CYP7B1: variants seen among roughly 807,000 people sequenced by gnomAD.
The protein encoded by CYP7B1 is cytochrome P450 family 7 subfamily B member 1.
In CYP7B1, 29 loss-of-function variants were observed where a neutral mutation model predicts 42.7. The ratio of observed to expected loss-of-function variants is 0.68; its 90% CI spans 0.51 to 0.93. CYP7B1 has a LOEUF of 0.93. CYP7B1 is among the 40% of genes least tolerant of loss of function. The probability of loss-of-function intolerance (pLI) is 0.00; values close to 1 mark genes in which losing one functional copy is unlikely to be tolerated. For missense variants in CYP7B1, 655 were observed against 600.5 expected (o/e 1.09, Z -0.95); for synonymous variants, 235 against 218.2 (o/e 1.08, Z -0.68).
chr8:64,695,654 A>C (rs1488644021), intron 1 of CYP7B1, among the ~76,000 whole-genome samples: 3 of 133,072 alleles, frequency 2.3e-5, no homozygotes, highest in African/African-American at 8.5e-5. Context: ...ACCCAGTGAC[A>C]GTTAATGTGA....
intron 1 of CYP7B1, among the ~76,000 whole-genome samples, chr8:64,668,894 G>A (rs1306853240): frequency 6.6e-6 from 1 of 152,046 alleles, no homozygotes; most frequent in East Asian, 1.9e-4. Flanking sequence ...TCTATCCAAG[G>A]CCAATATTAA....
chr8:64,599,431 G>A (rs1805167295), intron 5 of CYP7B1, among the ~76,000 whole-genome samples: 3 of 152,080 alleles, frequency 2.0e-5, no homozygotes, highest in South Asian at 2.1e-4. Context: ...CTCGTGATCC[G>A]CCGGCCTCGG....
At chr8:64,781,066 T>C (rs1025140113) in intron 1 of CYP7B1, among the ~76,000 whole-genome samples, 2 of 152,144 alleles carry the variant, frequency 1.3e-5, no homozygotes, top group African/African-American at 2.4e-5. Context: ...CAGAAATCAA[T>C]GCTAATCTGT....
At chr8:64,633,434 G>C (rs540392802) in intron 1 of CYP7B1, among the ~76,000 whole-genome samples, 1 of 152,202 alleles carries the variant, frequency 6.6e-6, no homozygotes, top group South Asian at 2.1e-4. Context: ...ATATACAAAA[G>C]TCAATTGCTT....
intron 1 of CYP7B1, among the ~76,000 whole-genome samples, chr8:64,755,200 C>A (rs1434217979): frequency 1.3e-5 from 2 of 152,042 alleles, no homozygotes; most frequent in Admixed American, 1.3e-4. Flanking sequence ...TGTTTTAACA[C>A]GGGTGATAAA....
intron 1 of CYP7B1, among the ~76,000 whole-genome samples, chr8:64,739,660 T>C (rs988973158): frequency 6.6e-6 from 1 of 152,214 alleles, no homozygotes; most frequent in African/African-American, 2.4e-5. Context: ...GATGTAATAA[T>C]GCCTTCGAAT....
At chr8:64,690,085 C>G (rs951616127) in intron 1 of CYP7B1, among the ~76,000 whole-genome samples, 1 of 152,026 alleles carries the variant, frequency 6.6e-6, no homozygotes, top group Non-Finnish European at 1.5e-5. Flanking sequence ...TGTTTATGAT[C>G]AAACATCCTA....
chr8:64,680,882 C>T (rs981938624), intron 1 of CYP7B1, among the ~76,000 whole-genome samples: 4 of 152,136 alleles, frequency 2.6e-5, no homozygotes, highest in African/African-American at 9.7e-5. Context: ...CTCATGCCAT[C>T]TTCACTTCAA....
chr8:64,787,539 T>A (rs1261903617), intron 1 of CYP7B1, among the ~76,000 whole-genome samples: 2 of 152,206 alleles, frequency 1.3e-5, no homozygotes, highest in Non-Finnish European at 2.9e-5. Context: ...ATTCAGCAAG[T>A]CTCTAGAAAG....
At position 64,594,240 on chromosome 8, in the gene CYP7B1, C is replaced by G. The variant is rs975584074; in HGVS notation, c.*2402G>C. ...TGCTTTGGCCTCTGTCCCACAATAA[C>G]TGTCCTGCTGACAGTGTCCATCACT... On this transcript the variant is annotated 3_prime_UTR_variant, in exon 6 of 6. Coordinates refer to ENST00000310193, the MANE Select transcript of CYP7B1 (RefSeq NM_004820.5). Among the ~76,000 whole-genome samples the G allele has an allele frequency of 2.0e-5, 3 of 152,112 alleles. No homozygotes were observed. The highest frequency in any genetic ancestry group is 7.2e-5 in the African/African-American group (3 of 41,412).
intron 1 of CYP7B1, among the ~76,000 whole-genome samples, chr8:64,781,551 C>T (rs769692058): frequency 1.2e-4 from 19 of 152,070 alleles, no homozygotes; most frequent in Non-Finnish European, 2.8e-4. Context: ...AATACTTCAT[C>T]CACCATCCAT....
chr8:64,656,142 G>A (rs906347332), intron 1 of CYP7B1, among the ~76,000 whole-genome samples: 12 of 152,110 alleles, frequency 7.9e-5, no homozygotes, highest in Non-Finnish European at 8.8e-5. Context: ...AAACCTTCAC[G>A]TGTTTAGTTC....
chr8:64,607,946 A>G (rs1394697745), intron 4 of CYP7B1, among the ~76,000 whole-genome samples: 1 of 152,228 alleles, frequency 6.6e-6, no homozygotes, highest in East Asian at 1.9e-4. Context: ...AACAACTGCA[A>G]CTGTGATTAA....
At chr8:64,685,842 C>A in intron 1 of CYP7B1, among the ~76,000 whole-genome samples, 1 of 51,224 alleles carries the variant, frequency 2.0e-5, no homozygotes, top group African/African-American at 6.5e-5. Flanking sequence ...TCAGCTCCCC[C>A]GCCCGGCCAG....
chr8:64,719,662 T>G (rs1807209009), intron 1 of CYP7B1, among the ~76,000 whole-genome samples: 1 of 152,234 alleles, frequency 6.6e-6, no homozygotes, highest in South Asian at 2.1e-4. Context: ...CCCATACACT[T>G]CATCAACCTC....
chr8:64,783,609 C>A (rs1804469372), intron 1 of CYP7B1, among the ~76,000 whole-genome samples: 1 of 151,706 alleles, frequency 6.6e-6, no homozygotes, highest in Admixed American at 6.6e-5. Context: ...CAAGGAAACC[C>A]AATGTGCAAG....
intron 1 of CYP7B1, among the ~76,000 whole-genome samples, chr8:64,741,582 C>T (rs1202928425): frequency 6.6e-6 from 1 of 152,040 alleles, no homozygotes; most frequent in East Asian, 1.9e-4. Context: ...CCTCCCATAG[C>T]GCTGGGATTA....
chr8:64,764,682 G>A (rs1216079744), intron 1 of CYP7B1, among the ~76,000 whole-genome samples: 1 of 152,044 alleles, frequency 6.6e-6, no homozygotes, highest in Non-Finnish European at 1.5e-5. Flanking sequence ...AACTGTAGTG[G>A]CAACTGCTTT....
intron 1 of CYP7B1, among the ~76,000 whole-genome samples, chr8:64,700,391 C>T (rs1350163352): frequency 6.6e-6 from 1 of 152,086 alleles, no homozygotes. Context: ...GAAAAGTTTG[C>T]TTATGTCCAG....
Sources: allele counts gnomAD v4.1 joint callset (sites outside exome capture counted in the v4.1 genomes callset), GRCh38; gene constraint gnomAD v4.1.1; transcripts MANE v1.5; gene names NCBI Gene and HGNC (gene_info 2026-07-23, HGNC 2026-07-21).